The following GRM8 variants were observed in gnomAD, a reference collection of about 807,000 sequenced individuals.
GRM8 encodes the protein metabotropic glutamate receptor 8.
A neutral mutation model predicts 87.2 loss-of-function variants in GRM8; 47 were observed. The observed-to-expected ratio is 0.54, with a 90% confidence interval of 0.43 to 0.69. The LOEUF is 0.69. Ranked by LOEUF, GRM8 falls within the 30% of genes least tolerant of loss-of-function variation. The pLI, the probability that GRM8 is intolerant of heterozygous loss-of-function variation, is 0.00. For missense variants in GRM8, 1,019 were observed against 1,139.2 expected (o/e 0.89, Z 1.52); for synonymous variants, 396 against 404.5 (o/e 0.98, Z 0.25).
intron 3 of GRM8, among the ~76,000 whole-genome samples, chr7:127,066,127 T>C (rs770582466): frequency 2.6e-5 from 4 of 152,224 alleles, no homozygotes; most frequent in Non-Finnish European, 5.9e-5. Context: ...GTCATCACAT[T>C]GAAGAAACCT....
At chr7:127,061,718 G>A (rs1820611254) in intron 3 of GRM8, among the ~76,000 whole-genome samples, 1 of 152,074 alleles carries the variant, frequency 6.6e-6, no homozygotes, top group African/African-American at 2.4e-5. Flanking sequence ...CGTTACTGAT[G>A]ACAGGACTTT....
chr7:126,458,229 C>A (rs1584678607), intron 9 of GRM8, among the ~76,000 whole-genome samples: 1 of 150,964 alleles, frequency 6.6e-6, no homozygotes, highest in African/African-American at 2.4e-5. Context: ...CATTAATTTT[C>A]ATTATAAACA....
At chr7:126,801,625 T>C (rs1230223237) in intron 6 of GRM8, among the ~76,000 whole-genome samples, 2 of 107,562 alleles carry the variant, frequency 1.9e-5, no homozygotes, top group Admixed American at 2.0e-4. Context: ...AATACGTATG[T>C]ATTAGTTATT....
chr7:126,941,006 T>G (rs1398028511), intron 3 of GRM8, among the ~76,000 whole-genome samples: 1 of 152,216 alleles, frequency 6.6e-6, no homozygotes, highest in Non-Finnish European at 1.5e-5. Context: ...GGACAGAGTT[T>G]TATACATTTT....
chr7:127,180,719 A>G (rs1430570937), intron 2 of GRM8, among the ~76,000 whole-genome samples: 1 of 152,142 alleles, frequency 6.6e-6, no homozygotes, highest in Non-Finnish European at 1.5e-5. Flanking sequence ...AACACACCAC[A>G]TAAACAGAAT....
chr7:126,640,960 G>A (rs575795292), intron 7 of GRM8, among the ~76,000 whole-genome samples: 6 of 151,992 alleles, frequency 3.9e-5, no homozygotes, highest in Non-Finnish European at 8.8e-5. Context: ...AACCAAGAGG[G>A]TGTTTAATTA....
At chr7:126,903,677 ATATATATATGTATATGTG>A (rs1802360910) in intron 5 of GRM8, among the ~76,000 whole-genome samples, 1 of 138,204 alleles carries the variant, frequency 7.2e-6, no homozygotes, top group Non-Finnish European at 1.6e-5. Context: ...GTATATGTGT[ATATATATATGTATATGTG>A]TATATATATA....
intron 6 of GRM8, among the ~76,000 whole-genome samples, chr7:126,846,807 A>G (rs1796745543): frequency 6.6e-6 from 1 of 152,168 alleles, no homozygotes; most frequent in Non-Finnish European, 1.5e-5. Flanking sequence ...TCTAAAGGAG[A>G]GGGAGAGCTT....
chr7:126,664,386 ATACTT>A (rs1273873363), intron 7 of GRM8, among the ~76,000 whole-genome samples: 3 of 152,238 alleles, frequency 2.0e-5, no homozygotes, highest in Non-Finnish European at 4.4e-5. Flanking sequence ...ATTTCAAACT[ATACTT>A]TAAGGCTAAA....
intron 2 of GRM8, among the ~76,000 whole-genome samples, chr7:127,162,514 G>T (rs1587168269): frequency 6.6e-6 from 1 of 152,124 alleles, no homozygotes; most frequent in East Asian, 1.9e-4. Context: ...TGGTTGCCTG[G>T]GTAACCAAGT....
chr7:126,817,169 T>G (rs1444364455), intron 6 of GRM8, among the ~76,000 whole-genome samples: 1 of 151,900 alleles, frequency 6.6e-6, no homozygotes, highest in Non-Finnish European at 1.5e-5. Context: ...ATGGTGTTCA[T>G]AAAAATGTAT....
intron 7 of GRM8, among the ~76,000 whole-genome samples, chr7:126,708,172 A>G (rs576630667): frequency 6.6e-6 from 1 of 152,256 alleles, no homozygotes; most frequent in Non-Finnish European, 1.5e-5. Context: ...ACAAATTAAA[A>G]TCATAATGAG....
chr7:127,210,808 C>T (rs184814316), intron 2 of GRM8, among the ~76,000 whole-genome samples: 5 of 151,152 alleles, frequency 3.3e-5, no homozygotes, highest in Admixed American at 6.6e-5. Flanking sequence ...AACATCTGAC[C>T]GACATGCTTT....
At chr7:126,767,951 TATATC>T (rs1056490029) in intron 7 of GRM8, among the ~76,000 whole-genome samples, 136 of 152,190 alleles carry the variant, frequency 8.9e-4, no homozygotes, top group African/African-American at 3.1e-3. Flanking sequence ...TATGTTGCCT[TATATC>T]AGACACAGCA....
chr7:126,634,529 T>C lies in GRM8; in HGVS notation c.1358-25031A>G, dbSNP rs573770087. On this transcript the variant is annotated intron_variant, in intron 7 of 10. Transcript: ENST00000339582. ...ATCTCAATGTTATCTTAAACCCCTA[T>C]AGTATCTGGGGTTTGCTCATATTTT... Among the ~76,000 whole-genome samples the C allele has an allele frequency of 1.1e-4, 16 of 152,250 alleles. No individual in the cohort carries two copies. The South Asian group carries it at 3.3e-3, about 32-fold the overall frequency.
At chr7:127,165,353 G>A (rs1014300713) in intron 2 of GRM8, among the ~76,000 whole-genome samples, 1 of 151,342 alleles carries the variant, frequency 6.6e-6, no homozygotes, top group South Asian at 2.1e-4. Flanking sequence ...TCATTTTACT[G>A]CCTAAAAAGC....
At position 126,770,073 on chromosome 7, in the gene GRM8, A is replaced by C; in HGVS notation, c.1157-8T>G. ...GAGCAATTCGCTCCAGCCCTGCAAA[A>C]TAAAAAAGTAAAAACCATCAGTTGA... is the stretch of plus-strand genomic sequence containing the variant. On this transcript the variant is annotated splice_region_variant and splice_polypyrimidine_tract_variant and intron_variant, in intron 6 of 10. Transcript: ENST00000339582. 6.3e-7 allele frequency: 1 copy of C among 1,597,202 alleles called. No individual in the cohort carries two copies. The highest frequency in any genetic ancestry group is 1.1e-5 in the South Asian group (1 of 89,922).
At chr7:126,862,291 G>C (rs1045786069) in intron 6 of GRM8, among the ~76,000 whole-genome samples, 5 of 151,690 alleles carry the variant, frequency 3.3e-5, no homozygotes, top group African/African-American at 4.8e-5. Context: ...TCTCTATTCT[G>C]TTTTGTAATA....
intron 3 of GRM8, among the ~76,000 whole-genome samples, chr7:126,919,716 C>T (rs1804312119): frequency 6.6e-6 from 1 of 152,038 alleles, no homozygotes; most frequent in Admixed American, 6.6e-5. Context: ...TCGTCCATTT[C>T]TCTCTCCTAT....
Sources: allele counts gnomAD v4.1 joint callset (sites outside exome capture counted in the v4.1 genomes callset), GRCh38; gene constraint gnomAD v4.1.1; transcripts MANE v1.5; gene names NCBI Gene and HGNC (gene_info 2026-07-23, HGNC 2026-07-21).